TMEM216: variants seen among roughly 807,000 people sequenced by gnomAD.
TMEM216 encodes the protein cerebello-oculo-renal syndrome 2.
In TMEM216, 15 loss-of-function variants were observed where a neutral mutation model predicts 17.8. The ratio of observed to expected loss-of-function variants is 0.84; its 90% CI spans 0.56 to 1.30. The LOEUF (loss-of-function observed/expected upper bound fraction) is 1.30. Among genes scored for constraint, TMEM216 ranks in the 50% most tolerant of loss-of-function variants. The pLI is 0.00. For missense variants in TMEM216, 160 were observed against 175.7 expected, an observed-to-expected ratio of 0.91 and a Z score of 0.51; for synonymous variants, 58 against 73.5, an observed-to-expected ratio of 0.79 and a Z score of 1.08.
At chr11:61,393,791 C>A in intron 2 of TMEM216, 93 bp from the exon 3 acceptor site, 1 of 914,962 alleles carries the variant, frequency 1.1e-6, no homozygotes, top group Non-Finnish European at 1.7e-6. Context: ...TCATGGAAAG[C>A]TGAGACTGAT....
rs962913000 is a variant in TMEM216 at position 61,393,299 on chromosome 11, T to C, written c.103T>C (p.Phe35Leu). Residue 35 changes from phenylalanine to leucine, a missense_variant, in exon 2 of 5, where the codon TTC becomes CTC. Physicochemically the swap from Phe to Leu is conservative, Grantham distance 22 (BLOSUM62 0). Transcript: ENST00000515837. ...FLNGWYNATY[F>L]LLELFIFLYK... ...GAACGGGTGGTATAATGCTACCTAT[T>C]TCCTGCTGGAACTTTTCATATTTCT... 4 of 1,535,916 alleles carry C rather than the reference T, an allele frequency of 2.6e-6. No individual in the cohort carries two copies. In the African/African-American group the frequency reaches 5.5e-5, roughly 21 times the overall value.
chr11:61,398,123 T>C, intron 4 of TMEM216, 147 bp from the exon 5 acceptor site: 2 of 1,388,186 alleles, frequency 1.4e-6, no homozygotes, highest in South Asian at 1.2e-5. Flanking sequence ...CTTTCCTGTT[T>C]AGGGTAGGTA....
At position 61,398,194 on chromosome 11, in the gene TMEM216, A is replaced by T; in HGVS notation, c.432-76A>T. Reference sequence around the variant, plus strand: ...CCTTTGGGGCCAGGAGGCTTGGAATATAGAACAGTCGAGGCCAGCTGCTCT... The same window carrying T: ...CCTTTGGGGCCAGGAGGCTTGGAATTTAGAACAGTCGAGGCCAGCTGCTCT... On this transcript the variant is annotated intron_variant, in intron 4 of 4. Coordinates refer to ENST00000515837, the MANE Select transcript of TMEM216 (RefSeq NM_001173990.3). 4 of 1,571,474 alleles carry T rather than the reference A, an allele frequency of 2.5e-6. No individual in the cohort carries two copies. The Admixed American group carries it at 7.1e-5, about 28-fold the overall frequency.
At chr11:61,398,235 T>C in intron 4 of TMEM216, 35 bp from the exon 5 acceptor site, 1 of 1,577,266 alleles carries the variant, frequency 6.3e-7, no homozygotes, top group Non-Finnish European at 8.6e-7. Context: ...ACTGGTCTTT[T>C]AACATTTTCT....
Position 61,398,580 on chromosome 11 carries a change from G to A in TMEM216, c.*304G>A, listed in dbSNP as rs965015053. ...CCTCAAGTTCTCCTCCTTGATCACC[G>A]TGGCCAGAGCATCTCGTGTGGACCA... is the stretch of plus-strand genomic sequence containing the variant. On this transcript the variant is annotated 3_prime_UTR_variant, in exon 5 of 5. Transcript: ENST00000515837. 3 of 434,582 alleles carry A rather than the reference G, an allele frequency of 6.9e-6. No individual in the cohort carries two copies. The highest frequency in any genetic ancestry group is 2.0e-5 in the African/African-American group (1 of 50,950). The allele number at this position is 434,582 out of a possible 1,614,324, so 26.9% of individuals were successfully genotyped here.
intron 3 of TMEM216, among the ~76,000 whole-genome samples, chr11:61,394,655 C>T (rs1400608933): frequency 1.3e-5 from 2 of 149,550 alleles, no homozygotes; most frequent in East Asian, 3.9e-4. Flanking sequence ...ATGTGGGCCA[C>T]TGCACCTGGT....
intron 2 of TMEM216, among the ~76,000 whole-genome samples, chr11:61,393,556 C>T (rs928610081): frequency 1.3e-4 from 20 of 152,200 alleles, no homozygotes; most frequent in African/African-American, 4.8e-4. Flanking sequence ...TCCATTCTGA[C>T]TCTGCCCACA....
intron 3 of TMEM216, among the ~76,000 whole-genome samples, chr11:61,394,478 C>T (rs1037243673): frequency 6.6e-6 from 1 of 151,556 alleles, no homozygotes; most frequent in Admixed American, 6.6e-5. Context: ...AAGCGATTCT[C>T]CTGCCTCAGC....
intron 1 of TMEM216, 97 bp from the exon 2 acceptor site, chr11:61,393,134 T>C (rs1386046845): frequency 4.2e-6 from 4 of 956,688 alleles, no homozygotes; most frequent in African/African-American, 3.3e-5. Flanking sequence ...TCCCATTAGT[T>C]GCAGCGTCTA....
At chr11:61,395,742 AAT>A in intron 3 of TMEM216, among the ~76,000 whole-genome samples, 1 of 152,048 alleles carries the variant, frequency 6.6e-6, no homozygotes. Context: ...AAAAAAAAAA[AAT>A]TGGTAAGGGA....
Position 61,398,353 on chromosome 11 carries a change from G to A in TMEM216, c.*77G>A. 1 of 1,484,742 alleles carries A rather than the reference G, an allele frequency of 6.7e-7. No homozygotes were observed. The highest frequency in any genetic ancestry group is 9.3e-7 in the Non-Finnish European group (1 of 1,075,786). The allele number at this position is 1,484,742 out of a possible 1,614,324, so 92.0% of individuals were successfully genotyped here. On this transcript the variant is annotated 3_prime_UTR_variant, in exon 5 of 5. Coordinates refer to ENST00000515837, the MANE Select transcript of TMEM216 (RefSeq NM_001173990.3). ...TCTGGTACTTTAGCCACACCAGTGA[G>A]AATTGGTGGGGCAAGTTGTCCTGAG...
intron 4 of TMEM216, 84 bp downstream of exon 4, chr11:61,398,059 A>G: frequency 6.5e-7 from 1 of 1,547,786 alleles, no homozygotes; most frequent in Non-Finnish European, 8.9e-7. Flanking sequence ...TCTGAAGCCT[A>G]AGGGGTCTAG....
In TMEM216 at chr11:61,398,296, C is replaced by G. The variant is rs768464601; in HGVS notation, c.*20C>G. 24 of 1,610,458 alleles carry G rather than the reference C, an allele frequency of 1.5e-5. No individual in the cohort carries two copies. In the African/African-American group the frequency reaches 2.5e-4, roughly 17 times the overall value. On this transcript the variant is annotated 3_prime_UTR_variant, in exon 5 of 5. Coordinates refer to ENST00000515837, the MANE Select transcript of TMEM216 (RefSeq NM_001173990.3). ...ATTTGAAGTACAGAATTTCAGCCAG[C>G]AGCCCATCAGGCTGACACCACACAT...
intron 3 of TMEM216, among the ~76,000 whole-genome samples, chr11:61,395,826 A>G (rs1050860638): frequency 6.6e-6 from 1 of 152,182 alleles, no homozygotes; most frequent in Non-Finnish European, 1.5e-5. Context: ...AAACTCGCTA[A>G]TAAAAATCAA....
Position 61,392,801 on chromosome 11 carries a change from T to A in TMEM216, c.34+136T>A, listed in dbSNP as rs557358421. On this transcript the variant is annotated intron_variant, in intron 1 of 4. Transcript: ENST00000515837. ...CGCGCCTCCCTGGTCCAAAGCCGGC[T>A]TCCGCGGTCCCGCCCACCCTGGGTG... is the stretch of plus-strand genomic sequence containing the variant. The A allele has an allele frequency of 5.9e-6, 9 of 1,518,524 alleles. No individual in the cohort carries two copies. The African/African-American group carries it at 1.1e-4, about 19-fold the overall frequency. 94.1% of individuals were successfully genotyped at this position (1,518,524 alleles called of 1,614,324 possible). A position where few individuals can be genotyped will look rare whatever the true frequency, so the allele number is the denominator to read the frequency against.
At position 61,398,784 on chromosome 11, in the gene TMEM216, G is replaced by A. The variant is rs938962256; in HGVS notation, c.*508G>A. 2.0e-5 allele frequency: 3 copies of A among 153,414 alleles called. No individual in the cohort carries two copies. The highest frequency in any genetic ancestry group is 7.2e-5 in the African/African-American group (3 of 41,448). 9.5% of individuals were successfully genotyped at this position (153,414 alleles called of 1,614,324 possible). A position where few individuals can be genotyped will look rare whatever the true frequency, so the allele number is the denominator to read the frequency against. ...CACAACTTTTTTAGTAGCTCATAGTGTTATTTTTCTACTCTCTTCATGAAA... is the reference window on the plus strand; with the variant it reads ...CACAACTTTTTTAGTAGCTCATAGTATTATTTTTCTACTCTCTTCATGAAA... On this transcript the variant is annotated 3_prime_UTR_variant, in exon 5 of 5. Transcript: ENST00000515837.
Position 61,393,874 on chromosome 11 carries a change from G to A in TMEM216, c.137-10G>A, listed in dbSNP as rs1410739356. The A allele has an allele frequency of 6.2e-7, 1 of 1,612,154 alleles. No homozygotes were observed. Among genetic ancestry groups the A allele is most frequent in the Non-Finnish European group, 8.5e-7 (1 of 1,178,716 alleles). On this transcript the variant is annotated splice_polypyrimidine_tract_variant and intron_variant, in intron 2 of 4. Transcript: ENST00000515837. The stretch of plus-strand genomic sequence containing the variant: ...ATGCTGTTTGCAAACTCTGGCTTTT[G>A]TATTGGCAGGTGTCCTGCTACCATA...
At chr11:61,397,044 A>T (rs966298957) in intron 3 of TMEM216, among the ~76,000 whole-genome samples, 1 of 152,152 alleles carries the variant, frequency 6.6e-6, no homozygotes, top group South Asian at 2.1e-4. Context: ...AATAAATAGT[A>T]ATATGTGAAT....
chr11:61,392,641 C>T lies in TMEM216; in HGVS notation c.10C>T (p.Arg4Trp). Residue 4 changes from arginine (R) to tryptophan (W), a missense_variant, in exon 1 of 5, where the codon CGG becomes TGG. Arg to Trp is a moderately radical substitution (Grantham distance 101). Transcript: ENST00000515837. ...GCCGCTGTGGCAGCGTATGCTGCCA[C>T]GGGGACTGAAGATGGCGCCGCGAGG... MLP[R>W]GLKMAPRGKR... is the part of the protein sequence containing the mutation. 6.5e-7 allele frequency: 1 copy of T among 1,536,038 alleles called. No homozygotes were observed. The highest frequency in any genetic ancestry group is 2.4e-5 in the East Asian group (1 of 40,902).
Sources: allele counts gnomAD v4.1 joint callset (sites outside exome capture counted in the v4.1 genomes callset), GRCh38; gene constraint gnomAD v4.1.1; transcripts MANE v1.5; gene names NCBI Gene and HGNC (gene_info 2026-07-23, HGNC 2026-07-21).